COL4A4: variants seen among roughly 807,000 people sequenced by gnomAD.
The protein encoded by COL4A4 is collagen type IV alpha 4 chain.
In COL4A4, 105 loss-of-function variants were observed where a neutral mutation model predicts 192.9. The ratio of observed to expected loss-of-function variants is 0.54; its 90% CI spans 0.46 to 0.64. COL4A4 has a LOEUF of 0.64. COL4A4 is among the 30% of genes least tolerant of loss of function. The probability of loss-of-function intolerance (pLI) is 0.00; values close to 1 mark genes in which losing one functional copy is unlikely to be tolerated. For missense variants in COL4A4, 1,967 were observed against 2,169.3 expected (o/e 0.91, Z 1.85); for synonymous variants, 762 against 769.9 (o/e 0.99, Z 0.17).
intron 42 of COL4A4, 111 bp downstream of exon 42, chr2:227,027,791 G>C (rs1292495599): frequency 2.4e-6 from 2 of 830,720 alleles, no homozygotes; most frequent in Non-Finnish European, 4.2e-6. Flanking sequence ...TATAAGAAAA[G>C]GGCTTAAATA....
chr2:227,041,844 GAA>G (rs1274685602), intron 37 of COL4A4, among the ~76,000 whole-genome samples: 35 of 73,730 alleles, frequency 4.7e-4, no homozygotes, highest in African/African-American at 1.4e-3. Flanking sequence ...AAGAAAGAAA[GAA>G]AGAGAAAGAA....
At chr2:227,107,794 T>C (rs1234151319) in intron 12 of COL4A4, among the ~76,000 whole-genome samples, 1 of 150,742 alleles carries the variant, frequency 6.6e-6, no homozygotes, top group Non-Finnish European at 1.5e-5. Flanking sequence ...AGTCTTGCTT[T>C]GTCACCAGGC....
chr2:227,075,768 G>A (rs1322395925), intron 25 of COL4A4, among the ~76,000 whole-genome samples: 3 of 152,068 alleles, frequency 2.0e-5, no homozygotes, highest in Admixed American at 6.6e-5. Context: ...AACTCCTTAA[G>A]CTAAGCAACT....
intron 7 of COL4A4, among the ~76,000 whole-genome samples, chr2:227,116,039 T>A (rs1019137505): frequency 6.6e-6 from 1 of 152,240 alleles, no homozygotes; most frequent in Non-Finnish European, 1.5e-5. Flanking sequence ...AGAGGACGAC[T>A]ACTGCCAAGG....
intron 10 of COL4A4, 45 bp from the exon 11 acceptor site, chr2:227,108,913 A>C (rs999122403): frequency 4.4e-6 from 7 of 1,582,398 alleles, no homozygotes; most frequent in South Asian, 2.2e-5. Flanking sequence ...TCAGACATAG[A>C]AATCAGAATG....
chr2:226,991,847 C>G, the COL4A4 span, among the ~76,000 whole-genome samples: 1 of 152,184 alleles, frequency 6.6e-6, no homozygotes, highest in Non-Finnish European at 1.5e-5. Context: ...GTAGCCTCCT[C>G]TCACGTATGA....
the COL4A4 span, among the ~76,000 whole-genome samples, chr2:226,993,230 ACCAGAGGACTCTGTGTTT>A: frequency 6.6e-6 from 1 of 152,224 alleles, no homozygotes; most frequent in Non-Finnish European, 1.5e-5. Context: ...TAAAGAAAAC[ACCAGAGGACTCTGTGTTT>A]CCCTCTGGGA....
chr2:227,020,839 A>T lies in COL4A4; in HGVS notation c.4216+1209T>A, dbSNP rs543685231. Among the ~76,000 whole-genome samples, 14 of 151,294 alleles carry T rather than the reference A, an allele frequency of 9.3e-5. No homozygotes were observed. In the South Asian group the frequency reaches 2.9e-3, roughly 32 times the overall value. ...TTGTAAATTACCCAATGCAGTGGGG[A>T]TATGTGGAAAGAAAACAAACCATTC... is the stretch of plus-strand genomic sequence containing the variant. On this transcript the variant is annotated intron_variant, in intron 44 of 47. Transcript: ENST00000396625.
the COL4A4 span, among the ~76,000 whole-genome samples, chr2:226,991,230 A>C: frequency 6.6e-6 from 1 of 152,166 alleles, no homozygotes; most frequent in Non-Finnish European, 1.5e-5. Context: ...TGCCAGGCTG[A>C]AGTGCAGTGG....
chr2:227,077,038 G>A (rs1026123289), intron 25 of COL4A4, among the ~76,000 whole-genome samples: 6 of 152,158 alleles, frequency 3.9e-5, no homozygotes, highest in East Asian at 1.9e-4. Flanking sequence ...TACACTGTTG[G>A]TGGGAGTGTA....
Position 227,030,515 on chromosome 2 carries a change from C to G in COL4A4, c.3901G>C (p.Gly1301Arg). The G allele has an allele frequency of 1.2e-6, 2 of 1,614,134 alleles. No homozygotes were observed. Among genetic ancestry groups the G allele is most frequent in the Non-Finnish European group, 1.7e-6 (2 of 1,179,994 alleles). The change falls in exon 41 of 48, where the codon GGT (glycine) becomes CGT (arginine). Residue 1301 changes from glycine (G) to arginine (R), a missense_variant. Physicochemically the swap from Gly to Arg is moderately radical, Grantham distance 125. Transcript: ENST00000396625. ...PGDCGLPGPP[G>R]PPGPPGPPGY... is the part of the protein sequence containing the mutation. ...GGAGGGCCTGGTGGGCCAGGGGGAC[C>G]TGGTGGCCCTGGTAGACCACAGTCA...
At chr2:226,972,268 G>T in the COL4A4 span, among the ~76,000 whole-genome samples, 76,155 of 151,968 alleles carry the variant, frequency 0.5, 20,120 homozygotes, top group African/African-American at 0.69. Context: ...TCATTCTTTT[G>T]TATGGCTGCA....
In COL4A4 at chr2:227,126,202, G is replaced by T. The variant is rs572273135; in HGVS notation, c.193-5054C>A. ...AGAAATGATTTGTAGTATTTGGGAG[G>T]ATGTGCATAGGTTATATGCAGATAC... On this transcript the variant is annotated intron_variant, in intron 4 of 47. Transcript: ENST00000396625. Among the ~76,000 whole-genome samples, 10 of 152,290 alleles carry T rather than the reference G, an allele frequency of 6.6e-5. No individual in the cohort carries two copies. In the South Asian group the frequency reaches 2.1e-3, roughly 32 times the overall value.
At chr2:227,071,319 G>A (rs908109835) in intron 25 of COL4A4, among the ~76,000 whole-genome samples, 3 of 152,134 alleles carry the variant, frequency 2.0e-5, no homozygotes, top group African/African-American at 4.8e-5. Flanking sequence ...TGGTCACTAT[G>A]TAATGATAAA....
intron 12 of COL4A4, among the ~76,000 whole-genome samples, chr2:227,107,449 T>G (rs1180319640): frequency 6.6e-6 from 1 of 152,234 alleles, no homozygotes. Flanking sequence ...TTTATATTTT[T>G]GTAACCTGTA....
At chr2:227,054,835 G>C (rs1974943515) in intron 30 of COL4A4, 98 bp from the exon 31 acceptor site, 2 of 1,351,372 alleles carry the variant, frequency 1.5e-6, no homozygotes, top group African/African-American at 2.9e-5. Context: ...TGTCACCCAG[G>C]CTGAAGTGCA....
chr2:227,105,439 G>A (rs1482599438), intron 12 of COL4A4, among the ~76,000 whole-genome samples: 5 of 151,942 alleles, frequency 3.3e-5, no homozygotes, highest in African/African-American at 9.7e-5. Context: ...TAACAATCCT[G>A]ATTTTTAGTG....
chr2:227,013,855 A>G (rs929597623), intron 44 of COL4A4, among the ~76,000 whole-genome samples: 1 of 152,136 alleles, frequency 6.6e-6, no homozygotes, highest in African/African-American at 2.4e-5. Context: ...CCAGGAATTC[A>G]TGGAGCCTCC....
intron 43 of COL4A4, chr2:227,022,513 C>T (rs761715429): frequency 3.6e-6 from 2 of 559,776 alleles, no homozygotes; most frequent in Admixed American, 1.9e-5. Flanking sequence ...ATCTCTGGGC[C>T]ATTTTTTACT....
Sources: gnomAD v4.1 joint callset for allele counts (sites outside exome capture counted in the v4.1 genomes callset) on GRCh38, gnomAD v4.1.1 for gene constraint, MANE v1.5 for transcripts, NCBI Gene and HGNC (gene_info 2026-07-23, HGNC 2026-07-21) for gene names.